Variants in LBH observed in about 807,000 individuals in gnomAD.
The protein encoded by LBH is protein LBH.
A neutral mutation model predicts 12.5 loss-of-function variants in LBH; 7 were observed. The ratio of observed to expected loss-of-function variants is 0.56; its 90% CI spans 0.32 to 1.05. The LOEUF (loss-of-function observed/expected upper bound fraction) is 1.05, where lower values mean the gene tolerates loss of function less well. Among genes scored for constraint, LBH ranks in the 50% least tolerant of loss-of-function variants. The pLI is 0.04. For missense variants in LBH, 119 were observed against 138.9 expected (o/e 0.86, Z 0.72); for synonymous variants, 51 against 50.1 (o/e 1.02, Z -0.08).
chr2:30,239,099 C>G (rs1368702343), intron 2 of LBH, among the ~76,000 whole-genome samples: 5 of 152,016 alleles, frequency 3.3e-5, no homozygotes, highest in Non-Finnish European at 5.9e-5. Context: ...CCACGTTGGC[C>G]CTTCCCACTC....
chr2:30,238,885 C>G (rs76822227), intron 2 of LBH, among the ~76,000 whole-genome samples: 1 of 98,042 alleles, frequency 1.0e-5, no homozygotes, highest in Non-Finnish European at 2.0e-5. Flanking sequence ...CCTCCCCACT[C>G]TTTTTTTTTT....
rs1371281175 is a variant in LBH at position 30,257,879 on chromosome 2, G to T, written c.*258G>T. 4.2e-5 allele frequency: 14 copies of T among 331,698 alleles called. No individual in the cohort carries two copies. The highest frequency in any genetic ancestry group is 6.0e-5 in the Non-Finnish European group (11 of 181,954). The allele number at this position is 331,698 out of a possible 1,614,324, so 20.5% of individuals were successfully genotyped here. On this transcript the variant is annotated 3_prime_UTR_variant, in exon 3 of 3. Transcript: ENST00000395323. Reference sequence around the variant, plus strand: ...AAAGGAAGCTGCTTAGAGCCAGGGGGTTAGTGGGTGAGGGGAGCGAGTGCT... The same window carrying T: ...AAAGGAAGCTGCTTAGAGCCAGGGGTTTAGTGGGTGAGGGGAGCGAGTGCT...
chr2:30,237,640 C>T (rs1472956), intron 2 of LBH, among the ~76,000 whole-genome samples: 3 of 152,212 alleles, frequency 2.0e-5, no homozygotes, highest in Non-Finnish European at 1.5e-5. Context: ...GGCCTCCTCA[C>T]GCTCATGCCT....
chr2:30,246,191 TC>T (rs140086503), intron 2 of LBH, among the ~76,000 whole-genome samples: 6,420 of 152,250 alleles, frequency 0.042, 486 homozygotes, highest in African/African-American at 0.15. Context: ...ACTCTTGACC[TC>T]AAGTGATCTG....
rs1024739582 is a variant in LBH at position 30,258,543 on chromosome 2, G to A, written c.*922G>A. ...GACTTGCTCCCGAGATGGAGTGGGC[G>A]TGGTCTTCCAGGCTGGCCCTTCCTT... On this transcript the variant is annotated 3_prime_UTR_variant, in exon 3 of 3. Coordinates refer to ENST00000395323, the MANE Select transcript of LBH (RefSeq NM_030915.4). 4 of 153,066 alleles carry A rather than the reference G, an allele frequency of 2.6e-5. No homozygotes were observed. The highest frequency in any genetic ancestry group is 4.4e-5 in the Non-Finnish European group (3 of 68,774). 9.5% of individuals were successfully genotyped at this position (153,066 alleles called of 1,614,324 possible). A position where few individuals can be genotyped will look rare whatever the true frequency, so the allele number is the denominator to read the frequency against.
intron 1 of LBH, chr2:30,232,445 C>G: frequency 7.7e-6 from 4 of 518,670 alleles, no homozygotes; most frequent in Non-Finnish European, 1.3e-5. Context: ...GAGGTTTGCC[C>G]CGGACTGGGG....
At chr2:30,252,752 C>T (rs556028834) in intron 2 of LBH, among the ~76,000 whole-genome samples, 14 of 152,106 alleles carry the variant, frequency 9.2e-5, no homozygotes, top group Non-Finnish European at 1.9e-4. Flanking sequence ...CACTTGGTGT[C>T]CATTGGATTC....
At chr2:30,252,135 G>A (rs1433626464) in intron 2 of LBH, among the ~76,000 whole-genome samples, 1 of 152,074 alleles carries the variant, frequency 6.6e-6, no homozygotes, top group Non-Finnish European at 1.5e-5. Flanking sequence ...CTCATGGGAG[G>A]GACCTGGTAG....
chr2:30,253,321 TTCTG>T (rs1251678768), intron 2 of LBH, among the ~76,000 whole-genome samples: 2 of 152,322 alleles, frequency 1.3e-5, no homozygotes, highest in Middle Eastern at 3.4e-3. Context: ...TTGCAAGGCT[TTCTG>T]TCTGTCTGTA....
At chr2:30,244,235 T>C (rs1405871972) in intron 2 of LBH, among the ~76,000 whole-genome samples, 6 of 152,224 alleles carry the variant, frequency 3.9e-5, no homozygotes, top group African/African-American at 1.4e-4. Context: ...TCTTTGGTCA[T>C]GTGCCCCTCG....
chr2:30,234,387 G>T lies in LBH; in HGVS notation c.27-18G>T, dbSNP rs3738864. 6.2e-6 allele frequency: 10 copies of T among 1,604,700 alleles called. No homozygotes were observed. The highest frequency in any genetic ancestry group is 7.7e-6 in the Non-Finnish European group (9 of 1,171,606). On this transcript the variant is annotated intron_variant, in intron 1 of 2. Coordinates refer to ENST00000395323, the MANE Select transcript of LBH (RefSeq NM_030915.4). Reference sequence around the variant, plus strand: ...AAGCGCGTGTGTTTGTTGACTTTTGGTCTGGGTTTCTTGGCAGCCCCGACT... The same window carrying T: ...AAGCGCGTGTGTTTGTTGACTTTTGTTCTGGGTTTCTTGGCAGCCCCGACT...
At chr2:30,246,015 G>A (rs938877103) in intron 2 of LBH, among the ~76,000 whole-genome samples, 1 of 149,864 alleles carries the variant, frequency 6.7e-6, no homozygotes, top group African/African-American at 2.5e-5. Context: ...CCAGGATGCA[G>A]TGGTGCCATC....
intron 2 of LBH, among the ~76,000 whole-genome samples, chr2:30,240,887 T>C (rs910021891): frequency 2.0e-5 from 3 of 152,178 alleles, no homozygotes; most frequent in Admixed American, 6.5e-5. Context: ...TTTGAACCAA[T>C]GGGAAGGAAA....
At chr2:30,252,238 C>A (rs1484053365) in intron 2 of LBH, among the ~76,000 whole-genome samples, 1 of 152,152 alleles carries the variant, frequency 6.6e-6, no homozygotes, top group African/African-American at 2.4e-5. Context: ...TTATAAGGGG[C>A]TTTTCTCCCT....
intron 1 of LBH, 64 bp downstream of exon 1, chr2:30,231,828 G>A: frequency 1.4e-6 from 2 of 1,450,326 alleles, no homozygotes; most frequent in South Asian, 1.4e-5. Flanking sequence ...CCGGGCGCCT[G>A]CTTCGTGCCG....
At chr2:30,233,570 C>T (rs1338427618) in intron 1 of LBH, among the ~76,000 whole-genome samples, 2 of 152,248 alleles carry the variant, frequency 1.3e-5, no homozygotes, top group African/African-American at 4.8e-5. Context: ...TTATGTTCAG[C>T]ATTATGTGCA....
Position 30,231,852 on chromosome 2 carries a change from G to A in LBH, c.26+88G>A, listed in dbSNP as rs1397498626. The A allele has an allele frequency of 9.7e-6, 12 of 1,236,978 alleles. No homozygotes were observed. In the South Asian group the frequency reaches 1.2e-4, roughly 13 times the overall value. The allele number at this position is 1,236,978 out of a possible 1,614,324, so 76.6% of individuals were successfully genotyped here. A position where few individuals can be genotyped will look rare whatever the true frequency, so the allele number is the denominator to read the frequency against. On this transcript the variant is annotated intron_variant, in intron 1 of 2. Coordinates refer to ENST00000395323, the MANE Select transcript of LBH (RefSeq NM_030915.4). The stretch of plus-strand genomic sequence containing the variant: ...TGCTTCGTGCCGGCTCCGGGTGCGA[G>A]GGCAGCCGGCGGCGCGGGCGCTCAG...
chr2:30,239,805 T>C (rs1371395784), intron 2 of LBH, among the ~76,000 whole-genome samples: 3 of 152,160 alleles, frequency 2.0e-5, no homozygotes, highest in African/African-American at 4.8e-5. Flanking sequence ...TGTGAGTCAT[T>C]GTTCACCTTG....
chr2:30,246,676 A>G (rs1006496563), intron 2 of LBH, among the ~76,000 whole-genome samples: 3 of 152,156 alleles, frequency 2.0e-5, no homozygotes, highest in Non-Finnish European at 4.4e-5. Flanking sequence ...AAGTCAATGA[A>G]GGATATCTAG....
Sources: allele counts gnomAD v4.1 joint callset (sites outside exome capture counted in the v4.1 genomes callset), GRCh38; gene constraint gnomAD v4.1.1; transcripts MANE v1.5; gene names NCBI Gene and HGNC (gene_info 2026-07-23, HGNC 2026-07-21).